SIRPG: variants seen among roughly 807,000 people sequenced by gnomAD.
The protein encoded by SIRPG is signal regulatory protein gamma.
In SIRPG, 38 loss-of-function variants were observed where a neutral mutation model predicts 35.7. The ratio of observed to expected loss-of-function variants is 1.06; its 90% CI spans 0.82 to 1.40. SIRPG has a LOEUF of 1.40. SIRPG is among the 40% of genes most tolerant of loss of function. SIRPG has a pLI of 0.00. For missense variants in SIRPG, 519 were observed against 483.0 expected, an observed-to-expected ratio of 1.07 and a Z score of -0.70; for synonymous variants, 215 against 190.4, an observed-to-expected ratio of 1.13 and a Z score of -1.06.
chr20:1,666,158 A>G, the SIRPG span, among the ~76,000 whole-genome samples: 1 of 152,202 alleles, frequency 6.6e-6, no homozygotes, highest in Non-Finnish European at 1.5e-5. Flanking sequence ...CTAAACTAGC[A>G]AAAACCTCAT....
At chr20:1,668,255 TTTTCTTTTTCTTTTCTTTC>T in the SIRPG span, among the ~76,000 whole-genome samples, 3 of 140,074 alleles carry the variant, frequency 2.1e-5, no homozygotes, top group Non-Finnish European at 3.1e-5. Flanking sequence ...TTCTTTTTCT[TTTTCTTTTTCTTTTCTTTC>T]TTTCTTTTCT....
chr20:1,640,779 T>A (rs1378536041), intron 2 of SIRPG, among the ~76,000 whole-genome samples: 1 of 152,226 alleles, frequency 6.6e-6, no homozygotes, highest in Non-Finnish European at 1.5e-5. Context: ...TTGAGATATG[T>A]TCCGTTAATA....
At chr20:1,672,250 C>A in the SIRPG span, among the ~76,000 whole-genome samples, 1 of 152,292 alleles carries the variant, frequency 6.6e-6, no homozygotes, top group African/African-American at 2.4e-5. Context: ...TAAGTGAACA[C>A]AGTTCTATCT....
rs532187958 is a variant in SIRPG, at chr20:1,631,091, A to G, written c.1082-785T>C. On this transcript the variant is annotated intron_variant, in intron 4 of 5. Transcript: ENST00000303415. ...GGGGAAGCACATGTTTGGACGCTGC[A>G]TTTTTAACATGAGCAGTTCAGGCTT... is the stretch of plus-strand genomic sequence containing the variant. Among the ~76,000 whole-genome samples, 24 of 152,304 alleles carry G rather than the reference A, an allele frequency of 1.6e-4. 1 individual carries two copies. In the South Asian group the frequency reaches 5.0e-3, roughly 32 times the overall value.
chr20:1,670,080 T>G, the SIRPG span: 1 of 253,042 alleles, frequency 4.0e-6, no homozygotes, highest in African/African-American at 2.3e-5. Flanking sequence ...GTGCCTTCCA[T>G]GTTCTCAATG....
chr20:1,635,016 C>G (rs143588054), intron 4 of SIRPG, among the ~76,000 whole-genome samples: 2,063 of 150,960 alleles, frequency 0.014, 49 homozygotes, highest in African/African-American at 0.048. Context: ...GCACTCCAGT[C>G]TGGGCGACAG....
At position 1,636,471 on chromosome 20, in the gene SIRPG, C is replaced by T. The variant is rs140492779; in HGVS notation, c.465G>A (p.Ala155=). Residue 155 remains alanine (A), a synonymous_variant, in exon 3 of 6, where the codon GCG becomes GCA. Coordinates refer to ENST00000303415, the MANE Select transcript of SIRPG (RefSeq NM_018556.4). The part of the protein sequence containing the change: ...KPSAPVVLGP[A]ARTTPEHTVS... ...CTGTATGCTCAGGTGTGGTCCTCGC[C>T]GCAGGGCCCAATACCACGGGGGCAG... 5.5e-5 allele frequency: 89 copies of T among 1,614,208 alleles called. No individual in the cohort carries two copies. The African/African-American group carries it at 5.7e-4, about 10-fold the overall frequency.
At chr20:1,661,385 C>T (rs1481020850), upstream of SIRPG, among the ~76,000 whole-genome samples, 1 of 152,226 alleles carries the variant, frequency 6.6e-6, no homozygotes. Flanking sequence ...TGTTCCAAAT[C>T]TTGTCTCATG....
chr20:1,661,218 C>T (rs986965386), upstream of SIRPG, among the ~76,000 whole-genome samples: 17 of 152,152 alleles, frequency 1.1e-4, no homozygotes, highest in Admixed American at 1.0e-3. Flanking sequence ...TGGCCAGTGG[C>T]TGGTGGAGGT....
intron 2 of SIRPG, chr20:1,646,212 C>G (rs1435292810): frequency 6.6e-6 from 1 of 152,212 alleles, no homozygotes; most frequent in Non-Finnish European, 1.5e-5. Context: ...ACTGCACACC[C>G]AATTGTCCCT....
At chr20:1,661,396 C>T (rs955612643), upstream of SIRPG, among the ~76,000 whole-genome samples, 2 of 152,150 alleles carry the variant, frequency 1.3e-5, no homozygotes, top group Admixed American at 6.5e-5. Flanking sequence ...TTGTCTCATG[C>T]TGGGATGGGA....
chr20:1,631,857 C>T (rs2091753277), intron 4 of SIRPG, among the ~76,000 whole-genome samples: 1 of 152,164 alleles, frequency 6.6e-6, no homozygotes, highest in African/African-American at 2.4e-5. Flanking sequence ...TGTTCCATGG[C>T]TATCACTGGG....
At chr20:1,668,370 C>G in the SIRPG span, among the ~76,000 whole-genome samples, 1 of 151,690 alleles carries the variant, frequency 6.6e-6, no homozygotes, top group African/African-American at 2.4e-5. Context: ...GCAACCTCTG[C>G]TTCTTGGGTT....
chr20:1,652,990 T>G (rs575833590), intron 1 of SIRPG, among the ~76,000 whole-genome samples: 79 of 152,292 alleles, frequency 5.2e-4, no homozygotes, highest in Non-Finnish European at 4.7e-4. Context: ...TTTTAGGTGG[T>G]TTGCTCCTGT....
chr20:1,632,822 A>G (rs2091762112), intron 4 of SIRPG, among the ~76,000 whole-genome samples: 1 of 152,038 alleles, frequency 6.6e-6, no homozygotes, highest in Non-Finnish European at 1.5e-5. Context: ...AGTCAATTAA[A>G]TCACCACTTC....
At chr20:1,668,189 T>TTC in the SIRPG span, among the ~76,000 whole-genome samples, 575 of 64,426 alleles carry the variant, frequency 8.9e-3, 6 homozygotes, top group African/African-American at 0.027. Context: ...CTTTCTTTCT[T>TTC]TTTCTTTTCT....
the SIRPG span, among the ~76,000 whole-genome samples, chr20:1,673,552 C>T: frequency 1.9e-3 from 288 of 152,168 alleles, 6 homozygotes; most frequent in East Asian, 0.049. Context: ...CTTTAGGCAG[C>T]AGAACAAAGA....
the SIRPG span, among the ~76,000 whole-genome samples, chr20:1,680,580 T>C: frequency 2.0e-5 from 3 of 152,196 alleles, no homozygotes; most frequent in African/African-American, 7.2e-5. Context: ...GCAAACTGAA[T>C]TGAATAGCAT....
intron 2 of SIRPG, among the ~76,000 whole-genome samples, chr20:1,640,516 G>C (rs1416824759): frequency 6.6e-6 from 1 of 152,180 alleles, no homozygotes; most frequent in East Asian, 1.9e-4. Flanking sequence ...GAGCTGAGAT[G>C]ATGGGGCTTT....
Sources: gnomAD v4.1 joint callset for allele counts (sites outside exome capture counted in the v4.1 genomes callset) on GRCh38, gnomAD v4.1.1 for gene constraint, MANE v1.5 for transcripts, NCBI Gene and HGNC (gene_info 2026-07-23, HGNC 2026-07-21) for gene names.